The following NRG3 variants were observed in gnomAD, a reference collection of about 807,000 sequenced individuals.
NRG3 encodes the protein neuregulin 3.
A neutral mutation model predicts 66.9 loss-of-function variants in NRG3; 31 were observed. The ratio of observed to expected loss-of-function variants is 0.46; its 90% CI spans 0.35 to 0.63. The LOEUF (loss-of-function observed/expected upper bound fraction) is 0.63. Among genes scored for constraint, NRG3 ranks in the 20% least tolerant of loss-of-function variants. NRG3 has a pLI of 0.00. For synonymous variants in NRG3, 393 were observed against 359.4 expected, an observed-to-expected ratio of 1.09 and a Z score of -1.06; for missense variants, 910 against 878.9, an observed-to-expected ratio of 1.04 and a Z score of -0.45.
chr10:82,369,661 A>C (rs533971986), intron 2 of NRG3, among the ~76,000 whole-genome samples: 4 of 139,012 alleles, frequency 2.9e-5, no homozygotes, highest in Admixed American at 2.7e-4. Context: ...TAAAATAAGC[A>C]TAATCCAAGG....
At chr10:82,212,829 C>A (rs560855760) in intron 1 of NRG3, among the ~76,000 whole-genome samples, 5 of 152,058 alleles carry the variant, frequency 3.3e-5, no homozygotes, top group Non-Finnish European at 1.5e-5. Context: ...ATCTGATGTG[C>A]ATTATGAAAC....
At chr10:82,503,267 C>A (rs1844368800) in intron 2 of NRG3, among the ~76,000 whole-genome samples, 1 of 152,214 alleles carries the variant, frequency 6.6e-6, no homozygotes, top group Admixed American at 6.5e-5. Context: ...GGGAGAGATG[C>A]ATTTTAGAGG....
At chr10:82,317,900 A>C (rs1208971802) in intron 1 of NRG3, among the ~76,000 whole-genome samples, 1 of 152,072 alleles carries the variant, frequency 6.6e-6, no homozygotes, top group East Asian at 1.9e-4. Flanking sequence ...GGCAGGGAAA[A>C]AATAGTCATC....
intron 3 of NRG3, among the ~76,000 whole-genome samples, chr10:82,771,792 A>C (rs970454932): frequency 1.9e-4 from 29 of 152,094 alleles, no homozygotes; most frequent in African/African-American, 6.3e-4. Flanking sequence ...GCAAACAAAC[A>C]ATAAAAGTGA....
intron 4 of NRG3, among the ~76,000 whole-genome samples, chr10:82,911,635 C>A (rs1591926878): frequency 6.6e-6 from 1 of 151,346 alleles, no homozygotes; most frequent in Admixed American, 6.6e-5. Context: ...TCATTTTTTT[C>A]TTAGTTAAAC....
intron 1 of NRG3, among the ~76,000 whole-genome samples, chr10:82,044,620 CA>C (rs2063189447): frequency 6.6e-6 from 1 of 151,824 alleles, no homozygotes; most frequent in Non-Finnish European, 1.5e-5. Flanking sequence ...TACATGTGCA[CA>C]ATGTGCAGGT....
At chr10:82,673,265 G>T (rs567911865) in intron 2 of NRG3, among the ~76,000 whole-genome samples, 2 of 152,278 alleles carry the variant, frequency 1.3e-5, no homozygotes, top group Admixed American at 6.5e-5. Context: ...GAATAATTGG[G>T]TAAATAATTA....
chr10:82,090,625 A>G (rs2133507530), intron 1 of NRG3, among the ~76,000 whole-genome samples: 1 of 152,314 alleles, frequency 6.6e-6, no homozygotes, highest in Middle Eastern at 3.4e-3. Context: ...ATTTGAATAA[A>G]GAAGGGACGA....
At chr10:82,793,952 T>C (rs571887817) in intron 3 of NRG3, among the ~76,000 whole-genome samples, 1 of 152,326 alleles carries the variant, frequency 6.6e-6, no homozygotes, top group African/African-American at 2.4e-5. Flanking sequence ...TCTCTTTCAC[T>C]TATTTTTTTT....
At chr10:82,520,623 G>A (rs975746585) in intron 2 of NRG3, among the ~76,000 whole-genome samples, 5 of 152,128 alleles carry the variant, frequency 3.3e-5, no homozygotes, top group Non-Finnish European at 7.3e-5. Context: ...ATCAAATTCT[G>A]TAGCACATTG....
intron 3 of NRG3, among the ~76,000 whole-genome samples, chr10:82,804,186 C>A (rs2061176484): frequency 6.6e-6 from 1 of 152,102 alleles, no homozygotes; most frequent in Non-Finnish European, 1.5e-5. Context: ...AGAGAAACTG[C>A]AAAGTGCTTC....
Position 82,681,054 on chromosome 10 carries a change from A to C in NRG3, c.954-57523A>C, listed in dbSNP as rs147187428. Among the ~76,000 whole-genome samples, 1,079 of 152,338 alleles carry C rather than the reference A, an allele frequency of 7.1e-3. 11 individuals are homozygous for C. Among genetic ancestry groups the C allele is most frequent in the African/African-American group, 0.025 (1,023 of 41,574 alleles). The stretch of plus-strand genomic sequence containing the variant: ...TCTAGACCAGACATTACAGGATTTT[A>C]TGTCAAAGAAGAGTATAATATTAAA... On this transcript the variant is annotated intron_variant, in intron 2 of 8. Coordinates refer to ENST00000372141, the MANE Select transcript of NRG3 (RefSeq NM_001010848.4).
At chr10:81,938,197 T>C (rs374775124) in intron 1 of NRG3, among the ~76,000 whole-genome samples, 1 of 152,110 alleles carries the variant, frequency 6.6e-6, no homozygotes, top group South Asian at 2.1e-4. Context: ...TCTTTCTTTG[T>C]TTTGGCTATT....
At chr10:82,948,728 C>T (rs1408103588) in intron 4 of NRG3, among the ~76,000 whole-genome samples, 2 of 151,958 alleles carry the variant, frequency 1.3e-5, no homozygotes, top group African/African-American at 4.8e-5. Flanking sequence ...AAATGATGTA[C>T]ATTTATTTTT....
At chr10:82,329,810 A>C (rs1035108911) in intron 1 of NRG3, among the ~76,000 whole-genome samples, 2 of 152,172 alleles carry the variant, frequency 1.3e-5, no homozygotes, top group African/African-American at 4.8e-5. Context: ...ACTCCTGGAA[A>C]CCAAAATGGC....
intron 2 of NRG3, among the ~76,000 whole-genome samples, chr10:82,428,338 A>G (rs537777582): frequency 6.6e-6 from 1 of 151,342 alleles, no homozygotes; most frequent in Non-Finnish European, 1.5e-5. Context: ...TTAATACTTT[A>G]CTAAGCACAG....
chr10:82,456,136 A>AC lies in NRG3; in HGVS notation c.953+97269dup, dbSNP rs200095829. On this transcript the variant is annotated intron_variant, in intron 2 of 8. Transcript: ENST00000372141. The stretch of plus-strand genomic sequence containing the variant: ...TTACTATTTAAAATATTTTTCTGTC[A>AC]CTTTTTTTTTTTTTTTTTTTTGGTA... Among the ~76,000 whole-genome samples, 606 of 100,254 alleles carry AC rather than the reference A, an allele frequency of 6.0e-3. 5 individuals carry two copies. Among genetic ancestry groups the AC allele is most frequent in the African/African-American group, 0.019 (589 of 30,722 alleles). The allele number at this position is 100,254 out of a possible 152,430, so 65.8% of individuals were successfully genotyped here. A position where few individuals can be genotyped will look rare whatever the true frequency, so the allele number is the denominator to read the frequency against.
chr10:82,921,160 T>C (rs1846384076), intron 4 of NRG3, among the ~76,000 whole-genome samples: 1 of 152,142 alleles, frequency 6.6e-6, no homozygotes, highest in South Asian at 2.1e-4. Flanking sequence ...TGATATGCTA[T>C]TATAATAGCA....
chr10:82,762,605 A>G (rs925732116), intron 3 of NRG3, among the ~76,000 whole-genome samples: 3 of 152,198 alleles, frequency 2.0e-5, no homozygotes, highest in African/African-American at 7.2e-5. Context: ...ATACATTTGC[A>G]TGCATGCCTG....
Sources: gnomAD v4.1 joint callset for allele counts (sites outside exome capture counted in the v4.1 genomes callset) on GRCh38, gnomAD v4.1.1 for gene constraint, MANE v1.5 for transcripts, NCBI Gene and HGNC (gene_info 2026-07-23, HGNC 2026-07-21) for gene names.